The following COP1 variants were observed in gnomAD, a reference collection of about 807,000 sequenced individuals.
COP1 encodes COP1 E3 ubiquitin ligase.
Under a neutral mutation model 101.3 loss-of-function variants are expected in COP1, and 24 were observed. The ratio of observed to expected loss-of-function variants is 0.24; its 90% CI spans 0.17 to 0.33. COP1 has a LOEUF of 0.33. Among genes scored for constraint, COP1 ranks in the 10% least tolerant of loss-of-function variants. COP1 has a pLI of 1.00. For missense variants in COP1, 663 were observed against 906.2 expected (o/e 0.73, Z 3.45); for synonymous variants, 347 against 341.9 (o/e 1.01, Z -0.17).
Position 176,206,635 on chromosome 1 carries a change from A to G in COP1, c.344T>C (p.Leu115Pro). 1 of 1,612,080 alleles carries G rather than the reference A, an allele frequency of 6.2e-7. No homozygotes were observed. The highest frequency in any genetic ancestry group is 8.5e-7 in the Non-Finnish European group (1 of 1,180,002). ...GAGCCCGTTGCAGAGGGGGGCGAGG[A>G]GAGGTCGCTTCCTGCTGCCGCTGCC... The part of the protein sequence containing the change: ...SLGSGSRKRP[L>P]LAPLCNGLIN... The change falls in exon 1 of 20, where the codon CTC becomes CCC. Residue 115 changes from leucine to proline, a missense_variant. Leu to Pro is a moderately conservative substitution (Grantham distance 98, BLOSUM62 -3). Transcript: ENST00000367669.
intron 5 of COP1, among the ~76,000 whole-genome samples, chr1:176,153,486 C>T (rs916959790): frequency 2.0e-5 from 3 of 152,122 alleles, no homozygotes; most frequent in Non-Finnish European, 4.4e-5. Context: ...AGAAGCTTGT[C>T]GGCTGAGACT....
chr1:176,135,096 A>C lies in COP1; in HGVS notation c.892-10T>G. 6.5e-7 allele frequency: 1 copy of C among 1,549,716 alleles called. No individual in the cohort carries two copies. Among genetic ancestry groups the C allele is most frequent in the South Asian group, 1.1e-5 (1 of 88,894 alleles). ...ATAAGCCACTCATTTCCTGAAAATA[A>C]AATTATTTGAATTATAGTAGATATT... On this transcript the variant is annotated splice_polypyrimidine_tract_variant and intron_variant, in intron 7 of 19. Transcript: ENST00000367669.
At position 176,190,689 on chromosome 1, in the gene COP1, T is replaced by C. The variant is rs145146287; in HGVS notation, c.408-5997A>G. Reference sequence around the variant, plus strand: ...CAGTGCTCTATTTGTCATTCCCTTTTATATGCATTATTTCCTTCAAAAGCA... The same window carrying C: ...CAGTGCTCTATTTGTCATTCCCTTTCATATGCATTATTTCCTTCAAAAGCA... On this transcript the variant is annotated intron_variant, in intron 1 of 19. Transcript: ENST00000367669. Among the ~76,000 whole-genome samples the C allele has an allele frequency of 3.3e-3, 509 of 152,154 alleles. 1 individual carries two copies. The highest frequency in any genetic ancestry group is 6.8e-3 in the Middle Eastern group (2 of 294).
chr1:176,105,683 G>A (rs551202205), intron 9 of COP1, among the ~76,000 whole-genome samples: 47 of 152,274 alleles, frequency 3.1e-4, no homozygotes, highest in Non-Finnish European at 6.2e-4. Context: ...CTATGCTATA[G>A]AATATATTAA....
intron 15 of COP1, among the ~76,000 whole-genome samples, chr1:176,011,495 T>C (rs2148955350): frequency 6.6e-6 from 1 of 152,300 alleles, no homozygotes; most frequent in East Asian, 1.9e-4. Flanking sequence ...TGAGTTAATC[T>C]TCCCTTTCTT....
At chr1:175,997,228 C>T (rs1022854272) in intron 15 of COP1, among the ~76,000 whole-genome samples, 2 of 151,448 alleles carry the variant, frequency 1.3e-5, no homozygotes, top group Non-Finnish European at 1.5e-5. Flanking sequence ...CCCTTCCTTA[C>T]ACCTTATACA....
chr1:176,103,381 T>C (rs1165952949), intron 9 of COP1, among the ~76,000 whole-genome samples: 1 of 152,148 alleles, frequency 6.6e-6, no homozygotes, highest in Non-Finnish European at 1.5e-5. Flanking sequence ...TCTATAAAAC[T>C]CTATAAAGCT....
chr1:176,008,244 G>A (rs1021920378), intron 15 of COP1, among the ~76,000 whole-genome samples: 1 of 152,152 alleles, frequency 6.6e-6, no homozygotes, highest in African/African-American at 2.4e-5. Context: ...CCCACTGTCT[G>A]GCACTTCCTA....
At chr1:176,055,446 C>T (rs548726287) in intron 11 of COP1, among the ~76,000 whole-genome samples, 17 of 152,162 alleles carry the variant, frequency 1.1e-4, no homozygotes, top group African/African-American at 3.9e-4. Context: ...AAAAAATAAA[C>T]AAAACAAAAC....
chr1:176,055,230 T>C (rs1197299835), intron 11 of COP1, among the ~76,000 whole-genome samples: 2 of 152,212 alleles, frequency 1.3e-5, no homozygotes, highest in East Asian at 3.8e-4. Context: ...GGTCAGGACT[T>C]TGAGACCAGC....
chr1:175,983,379 T>C (rs916763685), intron 18 of COP1, among the ~76,000 whole-genome samples: 4 of 152,220 alleles, frequency 2.6e-5, no homozygotes, highest in Admixed American at 1.3e-4. Flanking sequence ...GGAGATTCCC[T>C]GTACAAGTTT....
chr1:176,168,370 T>C (rs955373265), intron 3 of COP1, among the ~76,000 whole-genome samples: 2 of 143,132 alleles, frequency 1.4e-5, no homozygotes, highest in Non-Finnish European at 3.0e-5. Flanking sequence ...AAATTTTATA[T>C]ATAGAGAGAA....
chr1:176,004,142 GCTCT>G (rs1039842780), intron 15 of COP1, among the ~76,000 whole-genome samples: 27 of 151,252 alleles, frequency 1.8e-4, no homozygotes, highest in African/African-American at 5.8e-4. Flanking sequence ...TCATGATTCG[GCTCT>G]CTGTTTGTCT....
At chr1:176,115,921 T>C (rs1310137139) in intron 9 of COP1, among the ~76,000 whole-genome samples, 1 of 152,188 alleles carries the variant, frequency 6.6e-6, no homozygotes, top group African/African-American at 2.4e-5. Flanking sequence ...CTCAAGACTG[T>C]GGTCTTTATT....
intron 18 of COP1, among the ~76,000 whole-genome samples, chr1:175,965,145 T>C (rs1651849241): frequency 2.0e-5 from 3 of 152,178 alleles, no homozygotes; most frequent in Admixed American, 2.0e-4. Context: ...TGCAATTGCA[T>C]CCTGAAAACT....
intron 1 of COP1, among the ~76,000 whole-genome samples, chr1:176,190,384 C>T (rs1291847713): frequency 6.6e-6 from 1 of 151,908 alleles, no homozygotes; most frequent in African/African-American, 2.4e-5. Flanking sequence ...GAACTTTTAC[C>T]TCTTGTCACT....
intron 14 of COP1, among the ~76,000 whole-genome samples, chr1:176,033,318 T>C (rs1668949100): frequency 6.6e-6 from 1 of 152,066 alleles, no homozygotes; most frequent in Non-Finnish European, 1.5e-5. Context: ...CCCCAGCTAC[T>C]TGGGAGGCTG....
At chr1:176,037,377 A>T (rs1245401109) in intron 14 of COP1, among the ~76,000 whole-genome samples, 1 of 151,760 alleles carries the variant, frequency 6.6e-6, no homozygotes, top group African/African-American at 2.4e-5. Context: ...ACTTCACTCC[A>T]GCCTGGGCGA....
chr1:176,187,771 T>C (rs180712990), intron 1 of COP1, among the ~76,000 whole-genome samples: 54 of 152,270 alleles, frequency 3.5e-4, no homozygotes, highest in African/African-American at 1.2e-3. Context: ...TGGCACACAA[T>C]ATTCACTGAG....
Sources: allele counts gnomAD v4.1 joint callset (sites outside exome capture counted in the v4.1 genomes callset), GRCh38; gene constraint gnomAD v4.1.1; transcripts MANE v1.5; gene names NCBI Gene and HGNC (gene_info 2026-07-23, HGNC 2026-07-21).